DTNA: variants seen among roughly 807,000 people sequenced by gnomAD.
DTNA encodes the protein dystrophin-related protein 3.
A neutral mutation model predicts 100.7 loss-of-function variants in DTNA; 43 were observed. That is an observed-to-expected ratio of 0.43 (90% CI 0.33 to 0.55). DTNA has a LOEUF of 0.55. Ranked by LOEUF, DTNA falls within the 20% of genes least tolerant of loss-of-function variation. DTNA has a pLI of 0.04. For synonymous variants in DTNA, 349 were observed against 347.9 expected, an observed-to-expected ratio of 1.00 and a Z score of -0.04; for missense variants, 798 against 953.9, an observed-to-expected ratio of 0.84 and a Z score of 2.15.
chr18:34,585,106 C>A (rs1292788358), intron 1 of DTNA, among the ~76,000 whole-genome samples: 1 of 152,096 alleles, frequency 6.6e-6, no homozygotes, highest in African/African-American at 2.4e-5. Flanking sequence ...GAAGCTACTG[C>A]ATGCTCGCCC....
At chr18:34,725,135 TA>T (rs1277894169) in intron 1 of DTNA, among the ~76,000 whole-genome samples, 1 of 152,042 alleles carries the variant, frequency 6.6e-6, no homozygotes, top group African/African-American at 2.4e-5. Flanking sequence ...CCTAAAGCCA[TA>T]AAAACCCTAG....
At position 34,887,978 on chromosome 18, in the gene DTNA, G is replaced by A; in HGVS notation, c.*244G>A. On this transcript the variant is annotated 3_prime_UTR_variant, in exon 23 of 23. Transcript: ENST00000444659. ...AACTTTTTGTTCTCAGATTTGTAGT[G>A]CATAGGTGTGTGTTTCAAGAAGGAA... 1.0e-6 allele frequency: 1 copy of A among 985,758 alleles called. No individual in the cohort carries two copies. The highest frequency in any genetic ancestry group is 1.2e-6 in the Non-Finnish European group (1 of 829,936). 61.1% of individuals were successfully genotyped at this position (985,758 alleles called of 1,614,324 possible). A position where few individuals can be genotyped will look rare whatever the true frequency, so the allele number is the denominator to read the frequency against.
intron 1 of DTNA, among the ~76,000 whole-genome samples, chr18:34,654,380 C>T (rs1402307293): frequency 6.6e-6 from 1 of 152,142 alleles, no homozygotes; most frequent in Non-Finnish European, 1.5e-5. Flanking sequence ...CATTCATTAT[C>T]TAAATCAAAA....
At chr18:34,765,538 G>T (rs1339653080) in intron 2 of DTNA, among the ~76,000 whole-genome samples, 1 of 152,182 alleles carries the variant, frequency 6.6e-6, no homozygotes, top group African/African-American at 2.4e-5. Flanking sequence ...CAGAGAAGAT[G>T]CTCAGCAGTC....
At chr18:34,605,778 C>A (rs752611784) in intron 1 of DTNA, among the ~76,000 whole-genome samples, 10 of 151,984 alleles carry the variant, frequency 6.6e-5, no homozygotes, top group Non-Finnish European at 1.5e-4. Context: ...CCTTTCTTTA[C>A]CTTGAGTGGT....
intron 1 of DTNA, among the ~76,000 whole-genome samples, chr18:34,688,565 GC>G (rs1285836365): frequency 6.6e-6 from 1 of 152,136 alleles, no homozygotes; most frequent in Non-Finnish European, 1.5e-5. Flanking sequence ...CTCTCTGGCT[GC>G]CCTTAACATT....
chr18:34,595,568 G>A (rs1428427216), intron 1 of DTNA, among the ~76,000 whole-genome samples: 2 of 152,078 alleles, frequency 1.3e-5, no homozygotes, highest in Non-Finnish European at 2.9e-5. Flanking sequence ...AACATCCTAA[G>A]TGTAGTTTTA....
At chr18:34,704,143 G>C (rs780537755) in intron 1 of DTNA, among the ~76,000 whole-genome samples, 3 of 151,962 alleles carry the variant, frequency 2.0e-5, no homozygotes, top group Non-Finnish European at 2.9e-5. Context: ...CATCGCATTT[G>C]CTTCCCAGTT....
chr18:34,502,656 TG>T (rs2040051943), intron 1 of DTNA, among the ~76,000 whole-genome samples: 2 of 152,250 alleles, frequency 1.3e-5, no homozygotes, highest in Admixed American at 1.3e-4. Context: ...TTTAAATGTT[TG>T]AAGATTTTTC....
At chr18:34,885,223 G>A (rs1027405690) in intron 22 of DTNA, among the ~76,000 whole-genome samples, 2 of 152,166 alleles carry the variant, frequency 1.3e-5, no homozygotes, top group African/African-American at 2.4e-5. Context: ...GTGCCTTAAC[G>A]AGTGAAAGCA....
In DTNA at chr18:34,836,085, G is replaced by A. The variant is rs117089531; in HGVS notation, c.1176-2009G>A. 8.0e-3 allele frequency among the ~76,000 whole-genome samples: 1,213 copies of A among 152,292 alleles called. 12 individuals carry two copies. The highest frequency in any genetic ancestry group is 0.011 in the Non-Finnish European group (775 of 68,024). On this transcript the variant is annotated intron_variant, in intron 11 of 22. Coordinates refer to ENST00000444659, the MANE Select transcript of DTNA (RefSeq NM_001386795.1). Reference sequence around the variant, plus strand: ...ATTGGGGGGATATTGGGCAGCAGGGGTACTGTAGGTACTGCATAATGAATG... The same window carrying A: ...ATTGGGGGGATATTGGGCAGCAGGGATACTGTAGGTACTGCATAATGAATG...
At position 34,558,148 on chromosome 18, in the gene DTNA, C is replaced by T. The variant is rs80040306; in HGVS notation, c.-2+64634C>T. ...CCCGATTTTCCAGGTGAGTCTGTCA[C>T]CCCTTTCTTTGACTCGGAAAGGGAA... On this transcript the variant is annotated intron_variant, in intron 1 of 19. Coordinates refer to the DTNA transcript ENST00000283365. 233 of 153,152 alleles carry T rather than the reference C, an allele frequency of 1.5e-3. 4 individuals carry two copies. The East Asian group carries it at 0.033, about 22-fold the overall frequency. 9.5% of individuals were successfully genotyped at this position (153,152 alleles called of 1,614,324 possible). A position where few individuals can be genotyped will look rare whatever the true frequency, so the allele number is the denominator to read the frequency against.
intron 10 of DTNA, chr18:34,828,950 A>G: frequency 1.4e-6 from 2 of 1,429,886 alleles, no homozygotes; most frequent in Non-Finnish European, 2.0e-6. Context: ...ATGTTTAGAA[A>G]TATGTACTTT....
At chr18:34,772,803 TG>T (rs1298801384) in intron 3 of DTNA, among the ~76,000 whole-genome samples, 5 of 152,248 alleles carry the variant, frequency 3.3e-5, no homozygotes, top group African/African-American at 9.6e-5. Context: ...GCAGCATGGC[TG>T]GGTTTTCGGC....
chr18:34,605,633 G>GCACA (rs3078088), intron 1 of DTNA, among the ~76,000 whole-genome samples: 4,427 of 142,276 alleles, frequency 0.031, 93 homozygotes, highest in African/African-American at 0.06. Context: ...TGCAACTCAG[G>GCACA]CACACACACA....
At chr18:34,608,725 C>A (rs1234437767) in intron 1 of DTNA, among the ~76,000 whole-genome samples, 1 of 152,108 alleles carries the variant, frequency 6.6e-6, no homozygotes, top group Non-Finnish European at 1.5e-5. Flanking sequence ...AAAAGTCAGG[C>A]AGTTTTCCCA....
At chr18:34,694,556 C>T (rs1206250694) in intron 1 of DTNA, among the ~76,000 whole-genome samples, 2 of 152,170 alleles carry the variant, frequency 1.3e-5, no homozygotes, top group Admixed American at 1.3e-4. Flanking sequence ...CTATTTCTAA[C>T]CATTCTCTAA....
intron 1 of DTNA, among the ~76,000 whole-genome samples, chr18:34,585,601 G>T (rs1014653119): frequency 1.3e-5 from 2 of 152,128 alleles, no homozygotes; most frequent in African/African-American, 4.8e-5. Flanking sequence ...AGGCAGGAAA[G>T]AAGAAAGAGA....
At chr18:34,856,844 T>A (rs2096558143) in intron 15 of DTNA, among the ~76,000 whole-genome samples, 1 of 152,254 alleles carries the variant, frequency 6.6e-6, no homozygotes, top group Non-Finnish European at 1.5e-5. Context: ...TTACCAGAGC[T>A]GTTGCTCTCT....
Sources: allele counts gnomAD v4.1 joint callset (sites outside exome capture counted in the v4.1 genomes callset), GRCh38; gene constraint gnomAD v4.1.1; transcripts MANE v1.5; gene names NCBI Gene and HGNC (gene_info 2026-07-23, HGNC 2026-07-21).